Variants in PPFIA2 observed in about 807,000 individuals in gnomAD.
PPFIA2 encodes the protein liprin-alpha-2.
In PPFIA2, 46 loss-of-function variants were observed where a neutral mutation model predicts 175.5. The ratio of observed to expected loss-of-function variants is 0.26; its 90% CI spans 0.21 to 0.34. The LOEUF (loss-of-function observed/expected upper bound fraction) is 0.34, where lower values mean the gene tolerates loss of function less well. Ranked by LOEUF, PPFIA2 falls within the 10% of genes least tolerant of loss-of-function variation. PPFIA2 has a pLI of 1.00. For synonymous variants in PPFIA2, 568 were observed against 511.4 expected (o/e 1.11, Z -1.49); for missense variants, 1,179 against 1,506.1 (o/e 0.78, Z 3.60).
rs2055710331 is a variant in PPFIA2 at position 81,466,751 on chromosome 12, AGG to A, written c.304-8887_304-8886del. 2.6e-5 allele frequency among the ~76,000 whole-genome samples: 4 copies of A among 151,982 alleles called. No individual in the cohort carries two copies. In the South Asian group the frequency reaches 8.3e-4, roughly 32 times the overall value. The stretch of plus-strand genomic sequence containing the variant: ...TTGGTTGGGAACGTATTTGGAGGCA[AGG>A]TAGGGTTTTCTCAGTATCCCCACAA... On this transcript the variant is annotated intron_variant, in intron 4 of 32. Transcript: ENST00000549396.
At chr12:81,548,937 C>T (rs573652836) in intron 4 of PPFIA2, among the ~76,000 whole-genome samples, 1 of 152,128 alleles carries the variant, frequency 6.6e-6, no homozygotes, top group South Asian at 2.1e-4. Context: ...AACTATACAA[C>T]TAAATATGCA....
chr12:81,609,024 T>A (rs1051418173), intron 4 of PPFIA2, among the ~76,000 whole-genome samples: 7 of 152,024 alleles, frequency 4.6e-5, no homozygotes, highest in South Asian at 2.1e-4. Flanking sequence ...GAATTTTTTT[T>A]ATTTTAATGT....
chr12:81,631,728 C>T (rs1170935808), intron 4 of PPFIA2, among the ~76,000 whole-genome samples: 1 of 152,158 alleles, frequency 6.6e-6, no homozygotes, highest in Non-Finnish European at 1.5e-5. Flanking sequence ...TAAGCGAGTT[C>T]ATCATTTGCA....
In PPFIA2 at chr12:81,614,589, T is replaced by A. The variant is rs538361422; in HGVS notation, c.303+62202A>T. Among the ~76,000 whole-genome samples the A allele has an allele frequency of 2.3e-4, 35 of 152,262 alleles. No individual in the cohort carries two copies. In the South Asian group the frequency reaches 7.0e-3, roughly 31 times the overall value. ...AACACAATGTTTAGGCCACCTTATT[T>A]CTTACTCATCAAGATCTCTACTGCC... On this transcript the variant is annotated intron_variant, in intron 4 of 32. Transcript: ENST00000549396.
intron 7 of PPFIA2, chr12:81,430,946 T>C (rs764245304): frequency 2.0e-5 from 3 of 152,302 alleles, no homozygotes; most frequent in Non-Finnish European, 4.4e-5. Flanking sequence ...CTTAGGAAAA[T>C]AGACTTCAGA....
At chr12:81,494,463 T>G (rs2059794236) in intron 4 of PPFIA2, among the ~76,000 whole-genome samples, 1 of 152,084 alleles carries the variant, frequency 6.6e-6, no homozygotes, top group African/African-American at 2.4e-5. Context: ...GGTGAGGAAG[T>G]GGAGAAATAG....
At chr12:81,267,153 G>A (rs1449705927) in intron 29 of PPFIA2, 133 bp from the exon 30 acceptor site, 9 of 653,334 alleles carry the variant, frequency 1.4e-5, no homozygotes, top group Non-Finnish European at 2.1e-5. Flanking sequence ...AGCCCTCCAT[G>A]TCTGTTATTA....
chr12:81,336,285 A>G (rs1413406548), intron 21 of PPFIA2, among the ~76,000 whole-genome samples: 4 of 152,176 alleles, frequency 2.6e-5, no homozygotes, highest in African/African-American at 9.7e-5. Context: ...AGGTTTATTC[A>G]ATTGCTTTTC....
intron 4 of PPFIA2, among the ~76,000 whole-genome samples, chr12:81,658,295 GA>G (rs11365242): frequency 0.76 from 84,395 of 110,744 alleles, 32,171 homozygotes; most frequent in African/African-American, 0.92. Context: ...GAAAAGAAAA[GA>G]AAAAAAAAAA....
intron 31 of PPFIA2, among the ~76,000 whole-genome samples, 180 bp from the exon 32 acceptor site, chr12:81,262,220 C>T (rs1011389326): frequency 6.6e-6 from 1 of 152,072 alleles, no homozygotes; most frequent in Non-Finnish European, 1.5e-5. Flanking sequence ...AAAATTTATC[C>T]CAATGTAAAT....
chr12:81,359,464 A>G (rs2061325387), intron 15 of PPFIA2, among the ~76,000 whole-genome samples: 1 of 151,854 alleles, frequency 6.6e-6, no homozygotes, highest in Admixed American at 6.6e-5. Context: ...AAAAACAACT[A>G]GGCCATATTC....
intron 7 of PPFIA2, among the ~76,000 whole-genome samples, chr12:81,411,223 G>T (rs2043907473): frequency 6.6e-6 from 1 of 152,084 alleles, no homozygotes; most frequent in Admixed American, 6.6e-5. Context: ...TCCTCGCACT[G>T]TAAGTTGTTT....
Position 81,368,872 on chromosome 12 carries a change from A to C in PPFIA2, c.1351-16T>G. 6.3e-7 allele frequency: 1 copy of C among 1,595,808 alleles called. No individual in the cohort carries two copies. Among genetic ancestry groups the C allele is most frequent in the Non-Finnish European group, 8.5e-7 (1 of 1,173,560 alleles). On this transcript the variant is annotated splice_polypyrimidine_tract_variant and intron_variant, in intron 12 of 32. Transcript: ENST00000549396. ...TTTGCCTAGCCTTACATTTTAAAAA[A>C]TGACATAAAAATCCATTCAAAAACT...
At chr12:81,410,474 G>C (rs576617701) in intron 7 of PPFIA2, among the ~76,000 whole-genome samples, 5 of 152,132 alleles carry the variant, frequency 3.3e-5, no homozygotes, top group African/African-American at 1.2e-4. Flanking sequence ...GATTCATATG[G>C]AGGCAAAGTT....
At chr12:81,383,383 A>G (rs1002158163) in intron 9 of PPFIA2, among the ~76,000 whole-genome samples, 6 of 152,120 alleles carry the variant, frequency 3.9e-5, no homozygotes, top group African/African-American at 1.4e-4. Context: ...CTAAACTTTC[A>G]CCTTAGCAGG....
At chr12:81,267,111 A>G in intron 29 of PPFIA2, 91 bp from the exon 30 acceptor site, 4 of 965,530 alleles carry the variant, frequency 4.1e-6, no homozygotes, top group Non-Finnish European at 6.3e-6. Flanking sequence ...TGTATTATAA[A>G]CCATACTTTA....
chr12:81,649,255 A>G (rs1286767426), intron 4 of PPFIA2, among the ~76,000 whole-genome samples: 1 of 152,190 alleles, frequency 6.6e-6, no homozygotes. Flanking sequence ...TGAAACCTCC[A>G]TAACAAGAAG....
intron 21 of PPFIA2, among the ~76,000 whole-genome samples, chr12:81,330,648 T>C (rs988411449): frequency 9.9e-5 from 15 of 152,192 alleles, no homozygotes; most frequent in Admixed American, 2.6e-4. Context: ...AAACCCATAT[T>C]GCAAGGCCTC....
intron 4 of PPFIA2, among the ~76,000 whole-genome samples, chr12:81,631,354 T>G (rs974180884): frequency 4.6e-5 from 7 of 152,134 alleles, no homozygotes; most frequent in Non-Finnish European, 8.8e-5. Flanking sequence ...TGAAAAAAAA[T>G]ACTGCTCAAG....
Sources: allele counts gnomAD v4.1 joint callset (sites outside exome capture counted in the v4.1 genomes callset), GRCh38; gene constraint gnomAD v4.1.1; transcripts MANE v1.5; gene names NCBI Gene and HGNC (gene_info 2026-07-23, HGNC 2026-07-21).